Variants in ELF2 observed in about 807,000 individuals in gnomAD.
ELF2 encodes the protein E74 like ETS transcription factor 2.
ELF2 carries 11 observed loss-of-function variants against 54.8 expected under a neutral mutation model. The observed-to-expected ratio is 0.20, with a 90% CI of 0.13 to 0.33. The LOEUF is 0.33. Ranked by LOEUF, ELF2 falls within the 10% of genes least tolerant of loss-of-function variation. The pLI is 1.00. For synonymous variants in ELF2, 203 were observed against 245.1 expected (o/e 0.83, Z 1.61); for missense variants, 513 against 703.0 (o/e 0.73, Z 3.06).
chr4:139,114,944 G>C, intron 4 of ELF2: 1 of 1,613,382 alleles, frequency 6.2e-7, no homozygotes, highest in Non-Finnish European at 8.5e-7. Context: ...TTCTTCTGGG[G>C]TGTGCTCAGC....
intron 3 of ELF2, among the ~76,000 whole-genome samples, chr4:139,135,237 A>ATATG (rs1350223045): frequency 1.2e-4 from 13 of 112,482 alleles, no homozygotes; most frequent in Middle Eastern, 5.6e-3. Flanking sequence ...TACTATATAT[A>ATATG]TGTGTGTGTG....
intron 4 of ELF2, among the ~76,000 whole-genome samples, chr4:139,092,929 C>A (rs1196474180): frequency 6.6e-6 from 1 of 151,172 alleles, no homozygotes; most frequent in African/African-American, 2.4e-5. Flanking sequence ...AGTAGGCATA[C>A]GCATACACAT....
At chr4:139,071,550 T>C (rs934923623) in intron 6 of ELF2, among the ~76,000 whole-genome samples, 2 of 151,944 alleles carry the variant, frequency 1.3e-5, no homozygotes, top group African/African-American at 4.8e-5. Flanking sequence ...CAAGTACCCA[T>C]AAAAGGATCA....
At position 139,121,095 on chromosome 4, in the gene ELF2, ATTTTTTTTTTTTTTT is replaced by A. The variant is rs10711256; in HGVS notation, c.238+4054_238+4068del. 1.8e-3 allele frequency among the ~76,000 whole-genome samples: 119 copies of A among 65,088 alleles called. 1 individual carries two copies. Among genetic ancestry groups the A allele is most frequent in the South Asian group, 3.9e-3 (6 of 1,552 alleles). 42.7% of individuals were successfully genotyped at this position (65,088 alleles called of 152,430 possible). On this transcript the variant is annotated intron_variant, in intron 4 of 9. Transcript: ENST00000686138. Reference sequence around the variant, plus strand: ...GCTTTGTATTTTGAATATAACACAGATTTTTTTTTTTTTTTTTTTTTTTTTTTTTTTGAGACGGAG... The same window carrying A: ...GCTTTGTATTTTGAATATAACACAGATTTTTTTTTTTTTTTTGAGACGGAG...
At chr4:139,064,907 CA>C (rs890906995) in intron 7 of ELF2, among the ~76,000 whole-genome samples, 26 of 151,650 alleles carry the variant, frequency 1.7e-4, no homozygotes, top group African/African-American at 5.8e-4. Context: ...CAAAACAAAA[CA>C]AAAAAAATGA....
chr4:139,145,263 T>C (rs1739112626), intron 1 of ELF2, among the ~76,000 whole-genome samples: 1 of 152,228 alleles, frequency 6.6e-6, no homozygotes, highest in Non-Finnish European at 1.5e-5. Context: ...ACTACGGCTA[T>C]TTACAACCAA....
chr4:139,123,562 A>C (rs2148832778), intron 4 of ELF2, among the ~76,000 whole-genome samples: 1 of 152,326 alleles, frequency 6.6e-6, no homozygotes. Flanking sequence ...AATTATACCA[A>C]TAATAAGATT....
rs770105746 is a variant in ELF2, at chr4:139,070,763, CTCT to C, written c.526+1100_526+1102del. On this transcript the variant is annotated intron_variant, in intron 6 of 9. Transcript: ENST00000686138. ...CTCCTAAATTCTCTCATGTATACCT[CTCT>C]TGAGATGCATATAATCTACATGTAT... Among the ~76,000 whole-genome samples, 7 of 152,298 alleles carry C rather than the reference CTCT, an allele frequency of 4.6e-5. No individual in the cohort carries two copies. In the East Asian group the frequency reaches 1.3e-3, roughly 29 times the overall value.
At position 139,151,053 on chromosome 4, in the gene ELF2, AAAGAAAG is replaced by A. The variant is rs1361741085; in HGVS notation, c.-251-11563_-251-11557del. ...AAAAAAAAGAAAGAAAGAAAGAAAGAAAGAAAGAAAGAAAGAAAGAAAGAAAGAAAGA... is the reference window on the plus strand; with the variant it reads ...AAAAAAAAGAAAGAAAGAAAGAAAGAAAAGAAAGAAAGAAAGAAAGAAAGA... On this transcript the variant is annotated intron_variant, in intron 1 of 9. Coordinates refer to ENST00000686138, the MANE Select transcript of ELF2 (RefSeq NM_001331036.3). 2.5e-3 allele frequency among the ~76,000 whole-genome samples: 240 copies of A among 95,248 alleles called. 6 individuals carry two copies. Among genetic ancestry groups the A allele is most frequent in the Middle Eastern group, 0.012 (2 of 166 alleles). The allele number at this position is 95,248 out of a possible 152,430, so 62.5% of individuals were successfully genotyped here. A position where few individuals can be genotyped will look rare whatever the true frequency, so the allele number is the denominator to read the frequency against.
At chr4:139,080,923 A>G (rs1346651555) in intron 4 of ELF2, among the ~76,000 whole-genome samples, 4 of 150,970 alleles carry the variant, frequency 2.6e-5, no homozygotes, top group Admixed American at 1.3e-4. Flanking sequence ...AGACATATTC[A>G]TTCACATGGT....
chr4:139,110,043 C>T (rs181201493), intron 4 of ELF2, among the ~76,000 whole-genome samples: 11 of 152,198 alleles, frequency 7.2e-5, no homozygotes, highest in Non-Finnish European at 1.6e-4. Flanking sequence ...TATTAGAAAT[C>T]GCTTTGAAAA....
intron 4 of ELF2, among the ~76,000 whole-genome samples, chr4:139,114,561 T>TCACACACACACACACACACACACACACA (rs776035411): frequency 9.2e-6 from 1 of 108,634 alleles, no homozygotes; most frequent in Non-Finnish European, 1.8e-5. Flanking sequence ...GACTTCAGTC[T>TCACACACACACACACACACACACACACA]CACACACACA....
chr4:139,139,847 G>A (rs1324763093), intron 1 of ELF2, among the ~76,000 whole-genome samples: 2 of 151,912 alleles, frequency 1.3e-5, no homozygotes, highest in Non-Finnish European at 2.9e-5. Flanking sequence ...GTGGCTACAG[G>A]TATAACCCCT....
intron 1 of ELF2, among the ~76,000 whole-genome samples, chr4:139,158,053 G>A (rs752918759): frequency 1.3e-5 from 2 of 152,172 alleles, no homozygotes; most frequent in African/African-American, 4.8e-5. Flanking sequence ...GGGTGCAGGC[G>A]GGCTGAGTCC....
At chr4:139,072,260 C>G (rs553846262) in intron 5 of ELF2, 1 of 466,194 alleles carries the variant, frequency 2.1e-6, no homozygotes, top group East Asian at 4.3e-5. Flanking sequence ...TGTTAATCCT[C>G]TGGGTAAGGC....
intron 4 of ELF2, chr4:139,116,827 A>C (rs551358396): frequency 1.6e-6 from 1 of 623,886 alleles, no homozygotes; most frequent in African/African-American, 2.0e-5. Flanking sequence ...TAACAAATAC[A>C]AAAGTTATGA....
In ELF2 at chr4:139,120,969, T is replaced by C. The variant is rs1033499134; in HGVS notation, c.238+4195A>G. ...TTGTCCACCTAGATCCTATCATGTG[T>C]CCTTTACTTTCTCTAAAACATTCCC... On this transcript the variant is annotated intron_variant, in intron 4 of 9. Coordinates refer to ENST00000686138, the MANE Select transcript of ELF2 (RefSeq NM_001331036.3). Among the ~76,000 whole-genome samples, 6 of 152,286 alleles carry C rather than the reference T, an allele frequency of 3.9e-5. No individual in the cohort carries two copies. In the South Asian group the frequency reaches 1.2e-3, roughly 32 times the overall value.
intron 4 of ELF2, among the ~76,000 whole-genome samples, chr4:139,098,887 T>C (rs533850899): frequency 1.3e-5 from 2 of 152,258 alleles, no homozygotes; most frequent in Non-Finnish European, 2.9e-5. Context: ...TCACAATAGA[T>C]AACTTTAATA....
intron 7 of ELF2, 34 bp from the exon 8 acceptor site, chr4:139,062,091 C>T (rs376569313): frequency 6.4e-7 from 1 of 1,570,454 alleles, no homozygotes; most frequent in Admixed American, 1.8e-5. Flanking sequence ...GATTAAAATT[C>T]ATTAACATAA....
Sources: allele counts gnomAD v4.1 joint callset (sites outside exome capture counted in the v4.1 genomes callset), GRCh38; gene constraint gnomAD v4.1.1; transcripts MANE v1.5; gene names NCBI Gene and HGNC (gene_info 2026-07-23, HGNC 2026-07-21).